VSIG10L: variants seen among roughly 807,000 people sequenced by gnomAD.
VSIG10L encodes V-set and immunoglobulin domain containing 10 like.
VSIG10L carries 63 observed loss-of-function variants against 67.3 expected under a neutral mutation model. The observed-to-expected ratio is 0.94, with a 90% CI of 0.76 to 1.15. The LOEUF is 1.15. Among genes scored for constraint, VSIG10L ranks in the 50% most tolerant of loss-of-function variants. The probability of loss-of-function intolerance (pLI) is 0.00; values close to 1 mark genes in which losing one functional copy is unlikely to be tolerated. For synonymous variants in VSIG10L, 499 were observed against 524.9 expected, an observed-to-expected ratio of 0.95 and a Z score of 0.67; for missense variants, 1,050 against 1,177.5, an observed-to-expected ratio of 0.89 and a Z score of 1.58.
intron 8 of VSIG10L, 85 bp downstream of exon 8, chr19:51,334,106 T>G (rs11668576): frequency 0.015 from 22,342 of 1,483,988 alleles, 236 homozygotes; most frequent in Non-Finnish European, 0.019. Context: ...CGGCACTGAT[T>G]GCCTCAGCCA....
chr19:51,341,223 C>T lies in VSIG10L; in HGVS notation c.825G>A (p.Gly275=), dbSNP rs575831375. Residue 275 remains glycine, a synonymous_variant, in exon 2 of 10, where the codon GGG becomes GGA. Coordinates refer to ENST00000335624, the MANE Select transcript of VSIG10L (RefSeq NM_001163922.3). ...ELASAQLDDA[G]VYTAEVIRAG... is the part of the protein sequence containing the mutation. ...CCCGGATGACCTCAGCCGTGTAGAC[C>T]CCTGCATCGTCCAGCTGGGCAGAGG... The T allele has an allele frequency of 1.7e-5, 26 of 1,550,916 alleles. No homozygotes were observed. Among genetic ancestry groups the T allele is most frequent in the Non-Finnish European group, 2.3e-5 (26 of 1,146,844 alleles).
At chr19:51,335,994 T>G (rs889743226) in intron 7 of VSIG10L, among the ~76,000 whole-genome samples, 4 of 152,056 alleles carry the variant, frequency 2.6e-5, no homozygotes, top group Non-Finnish European at 5.9e-5. Flanking sequence ...GGATAAGACA[T>G]TTGGGAGTCA....
chr19:51,333,960 G>A lies in VSIG10L; in HGVS notation c.2420-15C>T, dbSNP rs1261643036. On this transcript the variant is annotated splice_polypyrimidine_tract_variant and intron_variant, in intron 8 of 9. Coordinates refer to ENST00000335624, the MANE Select transcript of VSIG10L (RefSeq NM_001163922.3). ...AGGAGTCTTTCCTGATTGAGAGGCA[G>A]AAGAGAAGCAGGAACACGTGATTGG... 3 of 1,550,946 alleles carry A rather than the reference G, an allele frequency of 1.9e-6. No homozygotes were observed. The highest frequency in any genetic ancestry group is 2.6e-6 in the Non-Finnish European group (3 of 1,146,820).
rs754225256 is a variant in VSIG10L, at chr19:51,341,174, C to T, written c.874G>A (p.Glu292Lys). ...IRAGVSQQTHEFTVGVYEPLP... is the reference protein window; with the variant it reads ...IRAGVSQQTHKFTVGVYEPLP... Reference sequence around the variant, plus strand: ...TTACCATACACACCCACCGTGAACTCGTGAGTCTGCTGGGAGACCCCTGCC... The same window carrying T: ...TTACCATACACACCCACCGTGAACTTGTGAGTCTGCTGGGAGACCCCTGCC... Residue 292 changes from glutamate (E) to lysine (K), a missense_variant, in exon 2 of 10, where the codon GAG becomes AAG. Transcript: ENST00000335624. 31 of 1,530,836 alleles carry T rather than the reference C, an allele frequency of 2.0e-5. No homozygotes were observed. Among genetic ancestry groups the T allele is most frequent in the African/African-American group, 2.8e-5 (2 of 72,060 alleles). The allele number at this position is 1,530,836 out of a possible 1,614,324, so 94.8% of individuals were successfully genotyped here. A position where few individuals can be genotyped will look rare whatever the true frequency, so the allele number is the denominator to read the frequency against.
chr19:51,341,052 C>G (rs1050810093), intron 2 of VSIG10L, 101 bp downstream of exon 2: 1 of 1,414,938 alleles, frequency 7.1e-7, no homozygotes, highest in African/African-American at 1.5e-5. Context: ...CAGAAGTCCT[C>G]TTCTCCTATC....
intron 7 of VSIG10L, among the ~76,000 whole-genome samples, chr19:51,335,480 A>G (rs1002068397): frequency 1.3e-5 from 2 of 152,202 alleles, no homozygotes; most frequent in Middle Eastern, 6.3e-3. Flanking sequence ...CTTGCTGGCA[A>G]TTAGGATGTC....
Position 51,331,572 on chromosome 19 carries a change from G to A in VSIG10L, c.*1039C>T, listed in dbSNP as rs1201567268. The A allele has an allele frequency of 3.3e-5, 5 of 152,220 alleles. No individual in the cohort carries two copies. Among genetic ancestry groups the A allele is most frequent in the African/African-American group, 1.2e-4 (5 of 41,460 alleles). The allele number at this position is 152,220 out of a possible 1,614,324, so 9.4% of individuals were successfully genotyped here. The stretch of plus-strand genomic sequence containing the variant: ...CCACCATTTTATTTTGTTACTTGCA[G>A]TCAAAAGAATCCTCACCAATGCACT... On this transcript the variant is annotated 3_prime_UTR_variant, in exon 10 of 10. Transcript: ENST00000335624.
At chr19:51,333,675 A>G in intron 9 of VSIG10L, 116 bp downstream of exon 9, 2 of 1,245,214 alleles carry the variant, frequency 1.6e-6, no homozygotes, top group Non-Finnish European at 2.2e-6. Flanking sequence ...AGTTATACAG[A>G]CTGTAAACTA....
chr19:51,339,933 C>T, intron 4 of VSIG10L, 82 bp downstream of exon 4: 1 of 1,218,658 alleles, frequency 8.2e-7, no homozygotes. Context: ...CTTGCTGGCC[C>T]CGCCCCTTTC....
At position 51,341,601 on chromosome 19, in the gene VSIG10L, G is replaced by T. The variant is rs1383767771; in HGVS notation, c.447C>A (p.Val149=). ...KTPASNISTQ[V]SHTKLSVEAP... ...CCTCAACAGACAGTTTGGTATGGGA[G>T]ACTTGAGTAGAAATGTTTGAAGCTG... The change falls in exon 2 of 10, where the codon GTC becomes GTA. Residue 149 remains valine (V), a synonymous_variant. Coordinates refer to ENST00000335624, the MANE Select transcript of VSIG10L (RefSeq NM_001163922.3). The T allele has an allele frequency of 6.4e-7, 1 of 1,551,642 alleles. No individual in the cohort carries two copies. The highest frequency in any genetic ancestry group is 8.7e-7 in the Non-Finnish European group (1 of 1,147,008).
chr19:51,335,110 A>C (rs932794512), intron 7 of VSIG10L, among the ~76,000 whole-genome samples: 3 of 152,220 alleles, frequency 2.0e-5, no homozygotes, highest in African/African-American at 7.2e-5. Context: ...TTCCAAGAGG[A>C]GGGAACAGTA....
At position 51,340,783 on chromosome 19, in the gene VSIG10L, C is replaced by T; in HGVS notation, c.896-57G>A. The stretch of plus-strand genomic sequence containing the variant: ...CCAGTCCTGGAGCCCATCTTTGGTC[C>T]CCTTAGAGGGAACCCCAGCCGCTGC... On this transcript the variant is annotated intron_variant, in intron 2 of 9. Coordinates refer to ENST00000335624, the MANE Select transcript of VSIG10L (RefSeq NM_001163922.3). The surrounding 1 kb of genome is among the most constrained non-coding windows in gnomAD (Gnocchi z 6.3). 7.0e-7 allele frequency: 1 copy of T among 1,421,776 alleles called. No homozygotes were observed. Among genetic ancestry groups the T allele is most frequent in the African/African-American group, 1.5e-5 (1 of 68,724 alleles). The allele number at this position is 1,421,776 out of a possible 1,614,324, so 88.1% of individuals were successfully genotyped here.
In VSIG10L at chr19:51,341,601, G is replaced by C; in HGVS notation, c.447C>G (p.Val149=). 2 of 1,551,760 alleles carry C rather than the reference G, an allele frequency of 1.3e-6. No individual in the cohort carries two copies. The highest frequency in any genetic ancestry group is 1.7e-6 in the Non-Finnish European group (2 of 1,147,000). Residue 149 remains valine (V), a synonymous_variant, in exon 2 of 10, where the codon GTC becomes GTG. Coordinates refer to ENST00000335624, the MANE Select transcript of VSIG10L (RefSeq NM_001163922.3). ...KTPASNISTQ[V]SHTKLSVEAP... is the part of the protein sequence containing the mutation. ...CCTCAACAGACAGTTTGGTATGGGA[G>C]ACTTGAGTAGAAATGTTTGAAGCTG...
intron 9 of VSIG10L, among the ~76,000 whole-genome samples, chr19:51,332,930 G>T (rs556708032): frequency 2.6e-5 from 4 of 152,030 alleles, no homozygotes; most frequent in African/African-American, 4.8e-5. Flanking sequence ...GCTCACTGCA[G>T]CCTTGACCTC....
rs1985514941 is a variant in VSIG10L at position 51,337,551 on chromosome 19, G to A, written c.2009-17C>T. The stretch of plus-strand genomic sequence containing the variant: ...TGGAGGGTCCTAGAGGGATGTGGGG[G>A]TGGCTGGATTCTTGGGTGCCAGAGG... On this transcript the variant is annotated splice_polypyrimidine_tract_variant and intron_variant, in intron 6 of 9. Coordinates refer to ENST00000335624, the MANE Select transcript of VSIG10L (RefSeq NM_001163922.3). 4.0e-6 allele frequency: 6 copies of A among 1,499,304 alleles called. No individual in the cohort carries two copies. The East Asian group carries it at 1.5e-4, about 38-fold the overall frequency. The allele number at this position is 1,499,304 out of a possible 1,614,324, so 92.9% of individuals were successfully genotyped here. A position where few individuals can be genotyped will look rare whatever the true frequency, so the allele number is the denominator to read the frequency against.
chr19:51,334,930 C>A (rs1462137660), intron 7 of VSIG10L, among the ~76,000 whole-genome samples: 1 of 152,074 alleles, frequency 6.6e-6, no homozygotes, highest in Non-Finnish European at 1.5e-5. Flanking sequence ...CAAAGTGAGA[C>A]CTTCTCTCAA....
rs928867180 is a variant in VSIG10L, at chr19:51,340,429, T to C, written c.1189+4A>G. On this transcript the variant is annotated splice_donor_region_variant and intron_variant, in intron 3 of 9. Coordinates refer to ENST00000335624, the MANE Select transcript of VSIG10L (RefSeq NM_001163922.3). This position sits in a 1 kb window ranked among gnomAD's most constrained non-coding sequence, Gnocchi z 6.3. ...GTCCCCGACCCGAGGCATCCCCCAC[T>C]CACAGAAGACGCTGACGTCGGCGGC... 1.4e-6 allele frequency: 2 copies of C among 1,481,180 alleles called. No individual in the cohort carries two copies. Among genetic ancestry groups the C allele is most frequent in the Non-Finnish European group, 1.8e-6 (2 of 1,114,480 alleles). 91.8% of individuals were successfully genotyped at this position (1,481,180 alleles called of 1,614,324 possible). A position where few individuals can be genotyped will look rare whatever the true frequency, so the allele number is the denominator to read the frequency against.
At position 51,340,593 on chromosome 19, in the gene VSIG10L, C is replaced by A; in HGVS notation, c.1029G>T (p.Leu343=). ...ELSWSRDGRA[L]EAAESEGAET... ...CGGCTCCCTCCGATTCCGCCGCCTC[C>A]AGGGCGCGTCCGTCCCGGCTCCAGC... is the stretch of plus-strand genomic sequence containing the variant. Residue 343 remains leucine, a synonymous_variant, in exon 3 of 10, where the codon CTG becomes CTT. Transcript: ENST00000335624. The surrounding 1 kb of genome is among the most constrained non-coding windows in gnomAD (Gnocchi z 6.3). 6.5e-7 allele frequency: 1 copy of A among 1,535,456 alleles called. No individual in the cohort carries two copies. Among genetic ancestry groups the A allele is most frequent in the Non-Finnish European group, 8.7e-7 (1 of 1,146,426 alleles).
Position 51,340,247 on chromosome 19 carries a change from A to G in VSIG10L, c.1242T>C (p.Pro414=). The G allele has an allele frequency of 1.3e-6, 2 of 1,513,332 alleles. No homozygotes were observed. The highest frequency in any genetic ancestry group is 2.4e-5 in the South Asian group (2 of 82,534). The allele number at this position is 1,513,332 out of a possible 1,614,324, so 93.7% of individuals were successfully genotyped here. ...ITVSSDRDAA[P]ARFVTAGSNV... Reference sequence around the variant, plus strand: ...TACTGCCCGCGGTGACAAAGCGGGCAGGCGCGGCGTCGCGGTCCGAGGAGA... The same window carrying G: ...TACTGCCCGCGGTGACAAAGCGGGCGGGCGCGGCGTCGCGGTCCGAGGAGA... Residue 414 remains proline (P), a synonymous_variant, in exon 4 of 10, where the codon CCT becomes CCC. Coordinates refer to ENST00000335624, the MANE Select transcript of VSIG10L (RefSeq NM_001163922.3). The surrounding 1 kb of genome is among the most constrained non-coding windows in gnomAD (Gnocchi z 6.3).
Sources: gnomAD v4.1 joint callset for allele counts (sites outside exome capture counted in the v4.1 genomes callset) on GRCh38, gnomAD v4.1.1 for gene constraint, Gnocchi (gnomAD v3.1) non-coding constraint, MANE v1.5 for transcripts, NCBI Gene and HGNC (gene_info 2026-07-23, HGNC 2026-07-21) for gene names.